The following DST variants were observed in gnomAD, a reference collection of about 807,000 sequenced individuals.
DST encodes the protein dystonin.
DST carries 253 observed loss-of-function variants against 875.2 expected under a neutral mutation model. The observed-to-expected ratio is 0.29, with a 90% confidence interval of 0.26 to 0.32. The LOEUF is 0.32. DST is among the 10% of genes least tolerant of loss of function. The pLI is 1.00. For missense variants in DST, 8,287 were observed against 9,111.6 expected (o/e 0.91, Z 3.68); for synonymous variants, 3,124 against 3,197.1 (o/e 0.98, Z 0.77).
In DST at chr6:56,604,178, C is replaced by G. The variant is rs1020176772; in HGVS notation, c.10450G>C (p.Val3484Leu). 4 of 1,599,826 alleles carry G rather than the reference C, an allele frequency of 2.5e-6. No individual in the cohort carries two copies. The highest frequency in any genetic ancestry group is 2.7e-5 in the African/African-American group (2 of 74,760). Residue 3484 changes from valine to leucine, a missense_variant, in exon 40 of 104, where the codon GTA becomes CTA. By Grantham distance (32) the Val-to-Leu change is conservative. Around this residue, in one of 10 missense-constraint regions of DST, gnomAD observed 3,138 missense variants for 3,116.6 expected, o/e 1.01. Coordinates refer to ENST00000680361, the MANE Select transcript of DST (RefSeq NM_001374736.1). ...DLEKRGITSK[V>L]LPLQLENIFY... The stretch of plus-strand genomic sequence containing the variant: ...ATATTTTCAAGCTGCAGTGGAAGTA[C>G]TTTAGACGTAATGCCTCTTTTCTCT...
At chr6:56,854,982 G>C (rs1767117565) in intron 3 of DST, among the ~76,000 whole-genome samples, 1 of 152,188 alleles carries the variant, frequency 6.6e-6, no homozygotes, top group Non-Finnish European at 1.5e-5. Context: ...ATACATGAAA[G>C]AGCTGTGGAG....
chr6:56,595,965 C>T (rs9382652), intron 47 of DST, among the ~76,000 whole-genome samples: 46,304 of 151,794 alleles, frequency 0.31, 7,991 homozygotes, highest in Admixed American at 0.4. Context: ...GGCTCAGGTG[C>T]TTTGGCCCTC....
At chr6:56,890,316 C>A (rs1786775417) in intron 3 of DST, among the ~76,000 whole-genome samples, 1 of 152,148 alleles carries the variant, frequency 6.6e-6, no homozygotes, top group South Asian at 2.1e-4. Context: ...TGCAAGAGTT[C>A]TTATGATGAT....
chr6:56,674,336 C>T (rs960624262), intron 9 of DST, among the ~76,000 whole-genome samples: 3 of 151,744 alleles, frequency 2.0e-5, no homozygotes, highest in Admixed American at 6.6e-5. Flanking sequence ...CTCACTCTGT[C>T]GCTCAGCATG....
intron 4 of DST, among the ~76,000 whole-genome samples, chr6:56,799,378 A>G (rs2099744096): frequency 6.6e-6 from 1 of 151,180 alleles, no homozygotes; most frequent in Non-Finnish European, 1.5e-5. Context: ...TTTAAATCAC[A>G]TACTATAGCT....
intron 10 of DST, among the ~76,000 whole-genome samples, chr6:56,658,673 T>C (rs2099023020): frequency 6.6e-6 from 1 of 152,242 alleles, no homozygotes; most frequent in Non-Finnish European, 1.5e-5. Flanking sequence ...GAAATAATTC[T>C]TCCCAGTCAA....
At position 56,782,102 on chromosome 6, in the gene DST, A is replaced by T. The variant is rs2152992893; in HGVS notation, c.626-46813T>A. On this transcript the variant is annotated intron_variant, in intron 4 of 103. Coordinates refer to ENST00000680361, the MANE Select transcript of DST (RefSeq NM_001374736.1). ...TTGATCATGGTGGATAAGCTTTTCG[A>T]TGTGCTGCTGGATTCGGTTTGCCAG... 1.3e-5 allele frequency among the ~76,000 whole-genome samples: 2 copies of T among 152,200 alleles called. 1 individual carries two copies. Among genetic ancestry groups the T allele is most frequent in the South Asian group, 4.1e-4 (2 of 4,820 alleles).
chr6:56,633,306 A>G (rs886689733), intron 27 of DST, among the ~76,000 whole-genome samples: 1 of 145,380 alleles, frequency 6.9e-6, no homozygotes, highest in African/African-American at 2.7e-5. Flanking sequence ...GGCTCACTGC[A>G]AGCTCCGCCT....
chr6:56,661,835 G>A (rs1347154431), intron 10 of DST, among the ~76,000 whole-genome samples: 1 of 152,106 alleles, frequency 6.6e-6, no homozygotes, highest in African/African-American at 2.4e-5. Flanking sequence ...TGATCCGCCC[G>A]CCTTGGCCTC....
chr6:56,761,987 T>C (rs1287929990), intron 4 of DST, among the ~76,000 whole-genome samples: 1 of 152,102 alleles, frequency 6.6e-6, no homozygotes, highest in Non-Finnish European at 1.5e-5. Context: ...TTCTGCCTCA[T>C]CATGGCACAG....
chr6:56,695,379 C>T (rs1031038081), intron 9 of DST, among the ~76,000 whole-genome samples: 17 of 150,708 alleles, frequency 1.1e-4, no homozygotes, highest in African/African-American at 3.0e-4. Flanking sequence ...CTCAGGTATG[C>T]CTTTACAGCA....
rs370852578 is a variant in DST at position 56,553,467 on chromosome 6, C to T, written c.15325G>A (p.Ala5109Thr). 7.4e-6 allele frequency: 12 copies of T among 1,612,726 alleles called. No homozygotes were observed. The highest frequency in any genetic ancestry group is 2.2e-5 in the East Asian group (1 of 44,884). Residue 5109 changes from alanine to threonine, a missense_variant, in exon 61 of 104, where the codon GCT becomes ACT. By Grantham distance (58) the Ala-to-Thr change is moderately conservative. Around this residue, in one of 10 missense-constraint regions of DST, gnomAD observed 1,513 missense variants for 1,677.8 expected, o/e 0.90. Coordinates refer to ENST00000680361, the MANE Select transcript of DST (RefSeq NM_001374736.1). ...GTTTTTTCATACATATGAGACTGAG[C>T]GGTCAAAGTTTTACTAAAGTCTTTA... is the stretch of plus-strand genomic sequence containing the variant. The part of the protein sequence containing the change: ...DHKDFSKTLT[A>T]QSHMYEKTIA...
chr6:56,754,220 T>C (rs1041731577), intron 4 of DST, among the ~76,000 whole-genome samples: 2 of 152,194 alleles, frequency 1.3e-5, no homozygotes, highest in African/African-American at 4.8e-5. Context: ...TAAAAGGAAA[T>C]CAATTAATTC....
chr6:56,676,207 C>A (rs187672764), intron 9 of DST, among the ~76,000 whole-genome samples: 2 of 152,316 alleles, frequency 1.3e-5, no homozygotes. Flanking sequence ...ACTGGCACTA[C>A]AGGTGCCCAC....
intron 28 of DST, among the ~76,000 whole-genome samples, chr6:56,632,559 T>C (rs1052396199): frequency 2.0e-5 from 3 of 152,204 alleles, no homozygotes; most frequent in African/African-American, 7.2e-5. Flanking sequence ...GGGAAAATAA[T>C]TGAATCTTTT....
chr6:56,877,542 T>C (rs964137283), intron 3 of DST, among the ~76,000 whole-genome samples: 1 of 152,282 alleles, frequency 6.6e-6, no homozygotes, highest in Admixed American at 6.5e-5. Flanking sequence ...GGTGACAGAG[T>C]GAGACTCCAT....
chr6:56,609,109 T>C lies in DST; in HGVS notation c.5519A>G (p.Lys1840Arg). Reference sequence around the variant, plus strand: ...CGCAGCAGAAATAATCTCCTTAGCTTTACTTAGTTCTTTGAGTTGGCACAG... The same window carrying C: ...CGCAGCAGAAATAATCTCCTTAGCTCTACTTAGTTCTTTGAGTTGGCACAG... ...QILCQLKELS[K>R]AKEIISAASP... Residue 1840 changes from lysine to arginine, a missense_variant, in exon 40 of 104, where the codon AAA becomes AGA. Lys to Arg is a conservative substitution (Grantham distance 26). Transcript: ENST00000680361. The C allele has an allele frequency of 1.2e-6, 2 of 1,613,828 alleles. No homozygotes were observed. The highest frequency in any genetic ancestry group is 1.7e-6 in the Non-Finnish European group (2 of 1,179,788).
chr6:56,477,322 A>T, intron 91 of DST, 23 bp downstream of exon 91: 1 of 1,608,142 alleles, frequency 6.2e-7, no homozygotes, highest in Non-Finnish European at 8.5e-7. Flanking sequence ...TGCTACTCTG[A>T]AGATTATCTG....
chr6:56,871,520 T>G, intron 3 of DST: 38 of 1,382,884 alleles, frequency 2.7e-5, no homozygotes, highest in Non-Finnish European at 3.5e-5. Context: ...TAGAGGTAGA[T>G]TCTCTGGTCA....
Sources: allele counts gnomAD v4.1 joint callset (sites outside exome capture counted in the v4.1 genomes callset), GRCh38; gene constraint gnomAD v4.1.1; regional missense constraint gnomAD v4.1.1; transcripts MANE v1.5; gene names NCBI Gene and HGNC (gene_info 2026-07-23, HGNC 2026-07-21).